GPR158: variants seen among roughly 807,000 people sequenced by gnomAD.
The protein encoded by GPR158 is G protein-coupled receptor 158, also known as metabotropic glycine receptor.
Under a neutral mutation model 78.2 loss-of-function variants are expected in GPR158, and 30 were observed. The ratio of observed to expected loss-of-function variants is 0.38; its 90% CI spans 0.29 to 0.52. The LOEUF (loss-of-function observed/expected upper bound fraction) is 0.52, where lower values mean the gene tolerates loss of function less well. Among genes scored for constraint, GPR158 ranks in the 20% least tolerant of loss-of-function variants. The pLI, the probability that GPR158 is intolerant of heterozygous loss-of-function variation, is 0.83. For synonymous variants in GPR158, 581 were observed against 591.1 expected, an observed-to-expected ratio of 0.98 and a Z score of 0.25; for missense variants, 1,463 against 1,523.5, an observed-to-expected ratio of 0.96 and a Z score of 0.66.
chr10:25,534,437 G>T (rs1836464856), intron 5 of GPR158, among the ~76,000 whole-genome samples: 2 of 151,934 alleles, frequency 1.3e-5, no homozygotes, highest in African/African-American at 4.8e-5. Flanking sequence ...GTCAGTTCGA[G>T]ACCACCCTGG....
chr10:25,437,167 T>C (rs1007122320), intron 4 of GPR158, among the ~76,000 whole-genome samples: 3 of 152,236 alleles, frequency 2.0e-5, no homozygotes, highest in Non-Finnish European at 4.4e-5. Context: ...TTGGATATTT[T>C]TAGTCTTTTC....
At chr10:25,475,351 T>G (rs1835567968) in intron 5 of GPR158, 1 of 152,190 alleles carries the variant, frequency 6.6e-6, no homozygotes, top group South Asian at 2.1e-4. Flanking sequence ...CATGCTTAAC[T>G]AGCTATTTTA....
chr10:25,475,212 G>A (rs1928364), intron 5 of GPR158, among the ~76,000 whole-genome samples: 109,693 of 151,884 alleles, frequency 0.72, 40,540 homozygotes, highest in East Asian at 0.99. Flanking sequence ...GAGAACTGAC[G>A]CATTAAAAGA....
At chr10:25,478,961 A>G (rs914981199) in intron 5 of GPR158, among the ~76,000 whole-genome samples, 2 of 151,996 alleles carry the variant, frequency 1.3e-5, no homozygotes, top group African/African-American at 4.8e-5. Flanking sequence ...CCATGTCCCT[A>G]CAAAGGACAT....
chr10:25,495,351 G>A (rs572543787), intron 5 of GPR158, among the ~76,000 whole-genome samples: 2 of 138,220 alleles, frequency 1.4e-5, no homozygotes, highest in East Asian at 2.1e-4. Context: ...AGGCTGGAGT[G>A]GCACGATCTT....
chr10:25,521,594 T>G (rs968948630), intron 5 of GPR158, among the ~76,000 whole-genome samples: 4 of 152,200 alleles, frequency 2.6e-5, no homozygotes, highest in African/African-American at 9.6e-5. Context: ...TTGGGGGCAT[T>G]AAAGAACCTT....
chr10:25,219,077 G>T (rs1481698256), intron 1 of GPR158, among the ~76,000 whole-genome samples: 1 of 152,144 alleles, frequency 6.6e-6, no homozygotes, highest in Non-Finnish European at 1.5e-5. Flanking sequence ...CCAGAAGTGG[G>T]CTTACATGAT....
chr10:25,505,043 TA>T (rs1835992996), intron 5 of GPR158, among the ~76,000 whole-genome samples: 1 of 152,234 alleles, frequency 6.6e-6, no homozygotes, highest in South Asian at 2.1e-4. Flanking sequence ...ATGGGGGCAG[TA>T]ATAGTGCCTG....
intron 2 of GPR158, among the ~76,000 whole-genome samples, chr10:25,258,716 A>G (rs1457446421): frequency 6.6e-5 from 10 of 152,084 alleles, no homozygotes; most frequent in Admixed American, 5.9e-4. Flanking sequence ...TTTAGGTCAT[A>G]TGGTCTCTGT....
At chr10:25,586,057 C>A (rs1837261661) in intron 7 of GPR158, among the ~76,000 whole-genome samples, 2 of 152,134 alleles carry the variant, frequency 1.3e-5, no homozygotes. Context: ...AGAGTTTATG[C>A]TGGGGAGTAC....
chr10:25,285,355 G>A (rs1423273303), intron 2 of GPR158, among the ~76,000 whole-genome samples: 1 of 152,040 alleles, frequency 6.6e-6, no homozygotes, highest in South Asian at 2.1e-4. Context: ...TTAGTGGGGG[G>A]ATTGGCTCAT....
At chr10:25,284,571 G>A (rs918607576) in intron 2 of GPR158, among the ~76,000 whole-genome samples, 1 of 151,492 alleles carries the variant, frequency 6.6e-6, no homozygotes, top group Non-Finnish European at 1.5e-5. Context: ...GTTTTATTCA[G>A]TCTGACAATC....
intron 5 of GPR158, among the ~76,000 whole-genome samples, chr10:25,510,604 A>G (rs948825718): frequency 1.4e-4 from 21 of 152,138 alleles, no homozygotes; most frequent in African/African-American, 5.1e-4. Flanking sequence ...GTTTGTTTAC[A>G]TGAATAAGTT....
At chr10:25,509,256 A>G (rs1836052390) in intron 5 of GPR158, among the ~76,000 whole-genome samples, 1 of 152,224 alleles carries the variant, frequency 6.6e-6, no homozygotes, top group Admixed American at 6.5e-5. Context: ...TAATTTAATC[A>G]GAATCCACCT....
chr10:25,578,645 T>C (rs982398767), intron 7 of GPR158, among the ~76,000 whole-genome samples: 6 of 152,234 alleles, frequency 3.9e-5, no homozygotes, highest in African/African-American at 9.6e-5. Flanking sequence ...ATTACAAATA[T>C]TGAAACAGAA....
intron 2 of GPR158, among the ~76,000 whole-genome samples, chr10:25,350,097 T>G (rs1760718): frequency 6.6e-6 from 1 of 151,398 alleles, no homozygotes. Context: ...ACCTTTAGCT[T>G]GTGAAGTGCA....
intron 1 of GPR158, among the ~76,000 whole-genome samples, chr10:25,191,342 C>T (rs1852768267): frequency 6.6e-6 from 1 of 152,150 alleles, no homozygotes; most frequent in Non-Finnish European, 1.5e-5. Flanking sequence ...TAATAACAGA[C>T]ACGAAGAAAA....
intron 2 of GPR158, among the ~76,000 whole-genome samples, chr10:25,369,793 G>T (rs1357679192): frequency 6.6e-6 from 1 of 151,986 alleles, no homozygotes; most frequent in Non-Finnish European, 1.5e-5. Context: ...GAATCCATCT[G>T]GTCCTGGACT....
Position 25,598,440 on chromosome 10 carries a change from T to A in GPR158, c.2814T>A (p.Asp938Glu). Residue 938 changes from aspartate to glutamate, a missense_variant, in exon 11 of 11, where the codon GAT becomes GAA. By Grantham distance (45) the Asp-to-Glu change is conservative (BLOSUM62 2). Coordinates refer to ENST00000376351, the MANE Select transcript of GPR158 (RefSeq NM_020752.3). ...RTKSQKPLPK[D>E]KETNRNHSNS... ...AATCCCAGAAACCTTTGCCAAAAGA[T>A]AAAGAGACAAACAGAAATCACTCAA... is the stretch of plus-strand genomic sequence containing the variant. 6.2e-7 allele frequency: 1 copy of A among 1,613,884 alleles called. No individual in the cohort carries two copies. Among genetic ancestry groups the A allele is most frequent in the Non-Finnish European group, 8.5e-7 (1 of 1,179,988 alleles).
Sources: gnomAD v4.1 joint callset for allele counts (sites outside exome capture counted in the v4.1 genomes callset) on GRCh38, gnomAD v4.1.1 for gene constraint, MANE v1.5 for transcripts, NCBI Gene and HGNC (gene_info 2026-07-23, HGNC 2026-07-21) for gene names.